Variants in ARFGEF2 observed in about 807,000 individuals in gnomAD.
ARFGEF2 encodes the protein ARF guanine nucleotide exchange factor 2.
In ARFGEF2, 74 loss-of-function variants were observed where a neutral mutation model predicts 219.9. The ratio of observed to expected loss-of-function variants is 0.34; its 90% CI spans 0.28 to 0.41. The LOEUF (loss-of-function observed/expected upper bound fraction) is 0.41, where lower values mean the gene tolerates loss of function less well. ARFGEF2 is among the 10% of genes least tolerant of loss of function. The probability of loss-of-function intolerance (pLI) is 1.00; values close to 1 mark genes in which losing one functional copy is unlikely to be tolerated. For missense variants in ARFGEF2, 1,743 were observed against 2,218.3 expected (o/e 0.79, Z 4.30); for synonymous variants, 733 against 799.2 (o/e 0.92, Z 1.40).
chr20:48,997,532 C>T lies in ARFGEF2; in HGVS notation c.3222-661C>T, dbSNP rs1023118148. On this transcript the variant is annotated intron_variant, in intron 23 of 38. Transcript: ENST00000371917. ...AAGTGATCCACCTGCCTTGGCCTCTCAAAGTGCTGGGATTGCAGGCATGAG... is the reference window on the plus strand; with the variant it reads ...AAGTGATCCACCTGCCTTGGCCTCTTAAAGTGCTGGGATTGCAGGCATGAG... Among the ~76,000 whole-genome samples the T allele has an allele frequency of 3.3e-5, 5 of 152,322 alleles. No homozygotes were observed. The East Asian group carries it at 5.8e-4, about 18-fold the overall frequency.
intron 6 of ARFGEF2, among the ~76,000 whole-genome samples, chr20:48,958,127 C>T (rs914298653): frequency 1.3e-5 from 2 of 152,176 alleles, no homozygotes; most frequent in Non-Finnish European, 2.9e-5. Context: ...CAGAAATGAG[C>T]AGGCTTCTAT....
intron 34 of ARFGEF2, among the ~76,000 whole-genome samples, chr20:49,020,043 A>C (rs1335534254): frequency 6.6e-6 from 1 of 152,182 alleles, no homozygotes. Flanking sequence ...GTAGCCTTTG[A>C]AGAGGTACTG....
chr20:48,988,251 A>G (rs1379089774), intron 16 of ARFGEF2, 53 bp from the exon 17 acceptor site: 24 of 1,326,960 alleles, frequency 1.8e-5, no homozygotes, highest in South Asian at 1.4e-4. Flanking sequence ...TTAGCATTGT[A>G]CCTTCCAAAC....
At chr20:49,020,526 G>A (rs1016012187) in intron 34 of ARFGEF2, among the ~76,000 whole-genome samples, 11 of 152,280 alleles carry the variant, frequency 7.2e-5, no homozygotes, top group African/African-American at 2.6e-4. Flanking sequence ...GCTCATTGCA[G>A]CCTTGAACTC....
Position 48,935,305 on chromosome 20 carries a change from T to A in ARFGEF2, c.122-5894T>A, listed in dbSNP as rs373016566. ...GGAGTGGTGATGACTCTTAAGGAGCTTGCTGCCTTCAAGCATCTGTTTAAC... is the reference window on the plus strand; with the variant it reads ...GGAGTGGTGATGACTCTTAAGGAGCATGCTGCCTTCAAGCATCTGTTTAAC... On this transcript the variant is annotated intron_variant, in intron 1 of 38. Coordinates refer to ENST00000371917, the MANE Select transcript of ARFGEF2 (RefSeq NM_006420.3). Among the ~76,000 whole-genome samples the A allele has an allele frequency of 5.9e-5, 9 of 152,304 alleles. 1 individual carries two copies. The highest frequency in any genetic ancestry group is 2.1e-4 in the South Asian group (1 of 4,824).
chr20:48,964,465 G>A (rs891068178), intron 7 of ARFGEF2, among the ~76,000 whole-genome samples: 1 of 152,146 alleles, frequency 6.6e-6, no homozygotes, highest in African/African-American at 2.4e-5. Context: ...AGATGCCAAG[G>A]GCCATTCCAT....
Position 48,995,780 on chromosome 20 carries a change from C to T in ARFGEF2, c.3122-3C>T. ...ACTGCTGATTTTGTGCATTGTGTTT[C>T]AGGTAATTTGGTGAGTGGCGGAGTG... On this transcript the variant is annotated splice_polypyrimidine_tract_variant and splice_region_variant and intron_variant, in intron 22 of 38. Coordinates refer to ENST00000371917, the MANE Select transcript of ARFGEF2 (RefSeq NM_006420.3). 6.2e-7 allele frequency: 1 copy of T among 1,613,720 alleles called. No individual in the cohort carries two copies. The highest frequency in any genetic ancestry group is 2.2e-5 in the East Asian group (1 of 44,872).
chr20:48,959,939 G>T (rs564093443), intron 6 of ARFGEF2, among the ~76,000 whole-genome samples: 1 of 152,164 alleles, frequency 6.6e-6, no homozygotes, highest in African/African-American at 2.4e-5. Context: ...ATTTTAATAT[G>T]CATTCAGAAA....
At chr20:48,987,324 A>G (rs1402397759) in intron 16 of ARFGEF2, among the ~76,000 whole-genome samples, 1 of 152,244 alleles carries the variant, frequency 6.6e-6, no homozygotes, top group African/African-American at 2.4e-5. Context: ...TGTTATGGAC[A>G]GTTTGGACAG....
Position 48,991,064 on chromosome 20 carries a change from G to T in ARFGEF2, c.2839G>T (p.Ala947Ser), listed in dbSNP as rs1426987955. 1 of 1,614,150 alleles carries T rather than the reference G, an allele frequency of 6.2e-7. No homozygotes were observed. Among genetic ancestry groups the T allele is most frequent in the Admixed American group, 1.7e-5 (1 of 60,018 alleles). Residue 947 changes from alanine (A) to serine (S), a missense_variant, in exon 21 of 39, where the codon GCT becomes TCT. This residue lies in a region of ARFGEF2 where 666 missense variants were observed against 955.4 expected (regional missense o/e 0.70). Transcript: ENST00000371917. The stretch of plus-strand genomic sequence containing the variant: ...GCTGGAACGAGATGCCTATGTTCAG[G>T]CTCTTGCTCGCTTCTCCCTACTCAC... The part of the protein sequence containing the change: ...MQLERDAYVQ[A>S]LARFSLLTAS...
rs768106528 is a variant in ARFGEF2 at position 48,941,844 on chromosome 20, C to T, written c.153-20C>T. 6.8e-6 allele frequency: 11 copies of T among 1,614,186 alleles called. No homozygotes were observed. The South Asian group carries it at 8.8e-5, about 13-fold the overall frequency. ...AGAAAATTCATTTCTTCTCCCGACC[C>T]TCTCTTGCTTTTCTCCTAGGCTTGG... On this transcript the variant is annotated intron_variant, in intron 2 of 38. Transcript: ENST00000371917.
chr20:48,988,308 ACT>A lies in ARFGEF2; in HGVS notation c.2284_2285del (p.Leu762ValfsTer3). ...ARYIECNQGQ[T>X]LFASADTAYV... ...GTCTCGAATTTTTTTCTCCAGGCAA[ACT>A]CTGTTTGCTAGTGCTGACACTGCTT... On this transcript the variant is annotated frameshift_variant, in exon 17 of 39. Transcript: ENST00000371917. LOFTEE classifies it high-confidence loss of function. The A allele has an allele frequency of 6.2e-7, 1 of 1,613,086 alleles. No homozygotes were observed. The highest frequency in any genetic ancestry group is 8.5e-7 in the Non-Finnish European group (1 of 1,179,848).
At position 48,940,859 on chromosome 20, in the gene ARFGEF2, C is replaced by T. The variant is rs145187845; in HGVS notation, c.122-340C>T. On this transcript the variant is annotated intron_variant, in intron 1 of 38. Coordinates refer to ENST00000371917, the MANE Select transcript of ARFGEF2 (RefSeq NM_006420.3). ...AAACATCCTAGAGTGCACAGGGCAG[C>T]CTCATAACAAAGAATTCTTCATCCC... Among the ~76,000 whole-genome samples, 301 of 152,236 alleles carry T rather than the reference C, an allele frequency of 2.0e-3. 2 individuals carry two copies. Among genetic ancestry groups the T allele is most frequent in the African/African-American group, 6.9e-3 (287 of 41,538 alleles).
intron 25 of ARFGEF2, 99 bp downstream of exon 25, chr20:48,998,604 A>G: frequency 4.8e-6 from 6 of 1,238,172 alleles, no homozygotes; most frequent in Non-Finnish European, 6.8e-6. Flanking sequence ...CCTGTTTTTT[A>G]GATGCCTCTA....
intron 3 of ARFGEF2, among the ~76,000 whole-genome samples, chr20:48,944,640 A>AT (rs1224233222): frequency 6.6e-6 from 1 of 152,036 alleles, no homozygotes; most frequent in East Asian, 1.9e-4. Flanking sequence ...TTATTTTTAT[A>AT]TTTTTTGTAG....
At chr20:48,928,134 A>G (rs1036581785) in intron 1 of ARFGEF2, among the ~76,000 whole-genome samples, 1 of 151,640 alleles carries the variant, frequency 6.6e-6, no homozygotes, top group African/African-American at 2.4e-5. Flanking sequence ...AGTAACTGGC[A>G]CAGTACCTGG....
At chr20:49,000,766 T>G (rs2091420329) in intron 25 of ARFGEF2, among the ~76,000 whole-genome samples, 1 of 152,204 alleles carries the variant, frequency 6.6e-6, no homozygotes. Context: ...GCTAAAAGTG[T>G]TTTGGTAAAC....
At chr20:49,009,855 A>G (rs951881190) in intron 26 of ARFGEF2, among the ~76,000 whole-genome samples, 2 of 152,254 alleles carry the variant, frequency 1.3e-5, no homozygotes, top group Admixed American at 1.3e-4. Context: ...AAAACTGACC[A>G]GCAGTGACTT....
intron 1 of ARFGEF2, among the ~76,000 whole-genome samples, chr20:48,924,511 CAAAAA>C (rs11476973): frequency 1.3e-5 from 1 of 78,438 alleles, no homozygotes; most frequent in Non-Finnish European, 2.4e-5. Context: ...GACTCTGTCT[CAAAAA>C]AAAAAAAAAA....
Sources: allele counts gnomAD v4.1 joint callset (sites outside exome capture counted in the v4.1 genomes callset), GRCh38; gene constraint gnomAD v4.1.1; regional missense constraint gnomAD v4.1.1; transcripts MANE v1.5; gene names NCBI Gene and HGNC (gene_info 2026-07-23, HGNC 2026-07-21).